KLHL5: variants seen among roughly 807,000 people sequenced by gnomAD.
KLHL5 encodes the protein kelch-like protein 5.
In KLHL5, 48 loss-of-function variants were observed where a neutral mutation model predicts 77.7. That is an observed-to-expected ratio of 0.62 (90% CI 0.49 to 0.79). KLHL5 has a LOEUF of 0.79. Among genes scored for constraint, KLHL5 ranks in the 30% least tolerant of loss-of-function variants. The pLI is 0.00. For missense variants in KLHL5, 723 were observed against 859.7 expected, an observed-to-expected ratio of 0.84 and a Z score of 1.99; for synonymous variants, 260 against 297.0, an observed-to-expected ratio of 0.88 and a Z score of 1.28.
intron 1 of KLHL5, among the ~76,000 whole-genome samples, chr4:39,046,325 G>A (rs767125631): frequency 1.3e-5 from 2 of 152,092 alleles, no homozygotes; most frequent in African/African-American, 4.8e-5. Context: ...AGGAAAAGAA[G>A]AACACAAAGT....
intron 1 of KLHL5, among the ~76,000 whole-genome samples, chr4:39,055,677 C>T (rs1716958563): frequency 6.6e-6 from 1 of 152,178 alleles, no homozygotes; most frequent in Non-Finnish European, 1.5e-5. Context: ...AGGGGGCTTT[C>T]ACTGTACTCA....
intron 2 of KLHL5, among the ~76,000 whole-genome samples, chr4:39,079,656 T>C (rs570352164): frequency 1.2e-3 from 177 of 152,282 alleles, no homozygotes; most frequent in African/African-American, 3.8e-3. Flanking sequence ...TTAGCACTTA[T>C]CACCTCTTAA....
rs1216505999 is a variant in KLHL5 at position 39,062,832 on chromosome 4, A to C, written c.180A>C (p.Gln60His). ...AGTTTTTAGATCCATGTAGCCTACA[A>C]TTGCCTTTGGCTTCAATTGGTTACC... Reference protein sequence around the residue: ...GRKFLDPCSLQLPLASIGYRR... With the variant: ...GRKFLDPCSLHLPLASIGYRR... The change falls in exon 1 of 11, where the codon CAA becomes CAC. Residue 60 changes from glutamine (Q) to histidine (H), a missense_variant. By Grantham distance (24) the Gln-to-His change is conservative. This residue lies in a region of KLHL5 where 221 missense variants were observed against 222.1 expected (regional missense o/e 1.00). Transcript: ENST00000504108. 2 of 1,614,142 alleles carry C rather than the reference A, an allele frequency of 1.2e-6. No homozygotes were observed. The highest frequency in any genetic ancestry group is 1.7e-6 in the Non-Finnish European group (2 of 1,180,014).
intron 1 of KLHL5, among the ~76,000 whole-genome samples, chr4:39,045,358 G>C (rs1480593646): frequency 1.3e-5 from 2 of 151,492 alleles, no homozygotes; most frequent in East Asian, 3.9e-4. Flanking sequence ...GCCGGCGCCC[G>C]GGCCGCCCTG....
rs138350647 is a variant in KLHL5 at position 39,125,179 on chromosome 4, A to G, written c.*4113A>G. On this transcript the variant is annotated 3_prime_UTR_variant, in exon 11 of 11. Transcript: ENST00000504108. ...AAACCTACAGGAAAAAAAATGAATAATAGAGAAAATAAATGTTAGAGAGGA... is the reference window on the plus strand; with the variant it reads ...AAACCTACAGGAAAAAAAATGAATAGTAGAGAAAATAAATGTTAGAGAGGA... Among the ~76,000 whole-genome samples the G allele has an allele frequency of 6.6e-6, 1 of 152,306 alleles. No homozygotes were observed. The highest frequency in any genetic ancestry group is 2.4e-5 in the African/African-American group (1 of 41,566).
chr4:39,122,768 G>A lies in KLHL5; in HGVS notation c.*1702G>A, dbSNP rs1040857556. 9.2e-5 allele frequency among the ~76,000 whole-genome samples: 14 copies of A among 151,752 alleles called. No homozygotes were observed. Among genetic ancestry groups the A allele is most frequent in the East Asian group, 3.9e-4 (2 of 5,178 alleles). On this transcript the variant is annotated 3_prime_UTR_variant, in exon 11 of 11. Transcript: ENST00000504108. ...GAGGAGCTTGCAGTGTGCCAAGATC[G>A]CACCACTGCACTCCAGCCTGGGTGA...
chr4:39,093,124 G>C, intron 5 of KLHL5: 1 of 455,920 alleles, frequency 2.2e-6, no homozygotes, highest in Non-Finnish European at 4.4e-6. Flanking sequence ...ACTGGTGAAT[G>C]GATAGATAAA....
intron 5 of KLHL5, among the ~76,000 whole-genome samples, chr4:39,090,116 C>T (rs1192811110): frequency 3.3e-5 from 5 of 151,944 alleles, no homozygotes; most frequent in Admixed American, 6.6e-5. Context: ...GGATTGTATT[C>T]GGTATGTTTT....
chr4:39,081,281 T>A lies in KLHL5; in HGVS notation c.703+42T>A. The A allele has an allele frequency of 6.6e-7, 1 of 1,511,362 alleles. No homozygotes were observed. The highest frequency in any genetic ancestry group is 8.9e-7 in the Non-Finnish European group (1 of 1,119,830). The allele number at this position is 1,511,362 out of a possible 1,614,324, so 93.6% of individuals were successfully genotyped here. On this transcript the variant is annotated intron_variant, in intron 3 of 10. Coordinates refer to ENST00000504108, the MANE Select transcript of KLHL5 (RefSeq NM_015990.5). This position sits in a 1 kb window ranked among gnomAD's most constrained non-coding sequence, Gnocchi z 4.3. ...TGTAAATTAAAACCTCTTAGATTTATGTTGTATTATTAGATTTCAGATTTC... is the reference window on the plus strand; with the variant it reads ...TGTAAATTAAAACCTCTTAGATTTAAGTTGTATTATTAGATTTCAGATTTC...
At chr4:39,104,544 C>T (rs1028063518) in intron 7 of KLHL5, among the ~76,000 whole-genome samples, 2 of 152,160 alleles carry the variant, frequency 1.3e-5, no homozygotes, top group South Asian at 4.1e-4. Context: ...CATAGTCCAG[C>T]TGTTTCGTGC....
chr4:39,059,975 AG>A (rs1717278129), upstream of KLHL5, among the ~76,000 whole-genome samples: 2 of 152,196 alleles, frequency 1.3e-5, no homozygotes, highest in South Asian at 4.1e-4. Context: ...TAGATATAAA[AG>A]CCTCACAAGG....
At chr4:39,045,223 C>T (rs1716076632) in intron 1 of KLHL5, 1 of 953,152 alleles carries the variant, frequency 1.0e-6, no homozygotes, top group South Asian at 4.8e-5. Flanking sequence ...AGACGCTGCC[C>T]CTCCCGGAGG....
intron 2 of KLHL5, among the ~76,000 whole-genome samples, chr4:39,076,706 AGTT>A (rs1719076009): frequency 6.6e-6 from 1 of 151,126 alleles, no homozygotes; most frequent in African/African-American, 2.4e-5. Flanking sequence ...TTCTGTATTC[AGTT>A]GTTCATTGTT....
chr4:39,141,450 A>G, the KLHL5 span, among the ~76,000 whole-genome samples: 1 of 151,790 alleles, frequency 6.6e-6, no homozygotes, highest in South Asian at 2.1e-4. Context: ...CTGGGACTAC[A>G]GGCGCCCGCC....
At chr4:39,105,591 C>G (rs1279258590) in intron 7 of KLHL5, among the ~76,000 whole-genome samples, 1 of 150,860 alleles carries the variant, frequency 6.6e-6, no homozygotes, top group Non-Finnish European at 1.5e-5. Context: ...CATGTATATA[C>G]AGTATGTGTA....
intron 8 of KLHL5, among the ~76,000 whole-genome samples, chr4:39,112,213 A>G (rs1179548668): frequency 6.6e-6 from 1 of 152,194 alleles, no homozygotes; most frequent in African/African-American, 2.4e-5. Flanking sequence ...AAATTAGTGC[A>G]GTGTATTGAT....
Position 39,081,936 on chromosome 4 carries a change from C to G in KLHL5, c.704-27C>G. On this transcript the variant is annotated intron_variant, in intron 3 of 10. Transcript: ENST00000504108. This position sits in a 1 kb window ranked among gnomAD's most constrained non-coding sequence, Gnocchi z 4.3. ...AAATAAGGTTAATGTAGTTCCATGG[C>G]TAATGGAATTTCTTTTTATCATTAA... The G allele has an allele frequency of 6.7e-7, 1 of 1,492,328 alleles. No homozygotes were observed. The highest frequency in any genetic ancestry group is 9.1e-7 in the Non-Finnish European group (1 of 1,098,506). The allele number at this position is 1,492,328 out of a possible 1,614,324, so 92.4% of individuals were successfully genotyped here. A position where few individuals can be genotyped will look rare whatever the true frequency, so the allele number is the denominator to read the frequency against.
chr4:39,078,745 G>A (rs988612591), intron 2 of KLHL5, among the ~76,000 whole-genome samples: 3 of 151,994 alleles, frequency 2.0e-5, no homozygotes, highest in Non-Finnish European at 2.9e-5. Flanking sequence ...GGGGACTTGG[G>A]GGAAAGGGTG....
In KLHL5 at chr4:39,081,331, T is replaced by A; in HGVS notation, c.703+92T>A. The A allele has an allele frequency of 9.3e-7, 1 of 1,079,484 alleles. No individual in the cohort carries two copies. Among genetic ancestry groups the A allele is most frequent in the African/African-American group, 1.6e-5 (1 of 62,348 alleles). The allele number at this position is 1,079,484 out of a possible 1,614,324, so 66.9% of individuals were successfully genotyped here. ...CTGTTTTTAGAAAGCATGCCATAGC[T>A]AACAGTTAGTTCTGCTATTGTCATT... On this transcript the variant is annotated intron_variant, in intron 3 of 10. Transcript: ENST00000504108. The surrounding 1 kb of genome is among the most constrained non-coding windows in gnomAD (Gnocchi z 4.3).
Sources: allele counts gnomAD v4.1 joint callset (sites outside exome capture counted in the v4.1 genomes callset), GRCh38; gene constraint gnomAD v4.1.1; regional missense constraint gnomAD v4.1.1; non-coding constraint Gnocchi (gnomAD v3.1); transcripts MANE v1.5; gene names NCBI Gene and HGNC (gene_info 2026-07-23, HGNC 2026-07-21).